The following AQP9 variants were observed in gnomAD, a reference collection of about 807,000 sequenced individuals.
The protein encoded by AQP9 is aquaporin-9.
AQP9 carries 19 observed loss-of-function variants against 23.8 expected under a neutral mutation model. The ratio of observed to expected loss-of-function variants is 0.80; its 90% CI spans 0.56 to 1.17. The LOEUF is 1.17. Ranked by LOEUF, AQP9 falls within the 50% of genes most tolerant of loss-of-function variation. The pLI is 0.00. For synonymous variants in AQP9, 153 were observed against 131.5 expected (o/e 1.16, Z -1.12); for missense variants, 413 against 362.0 (o/e 1.14, Z -1.14).
intron 1 of AQP9, among the ~76,000 whole-genome samples, chr15:58,142,598 C>G (rs1370871586): frequency 6.6e-6 from 1 of 152,192 alleles, no homozygotes; most frequent in East Asian, 1.9e-4. Context: ...CTGATAAACA[C>G]ATTGACCAAG....
chr15:58,149,046 T>C (rs1327266099), intron 1 of AQP9, among the ~76,000 whole-genome samples: 1 of 152,220 alleles, frequency 6.6e-6, no homozygotes, highest in East Asian at 1.9e-4. Flanking sequence ...CTTGGTTCTT[T>C]GTGACTGTTT....
chr15:58,160,214 G>A (rs1426838079), intron 1 of AQP9, among the ~76,000 whole-genome samples: 2 of 151,082 alleles, frequency 1.3e-5, no homozygotes, highest in East Asian at 3.9e-4. Context: ...ATCTCATTGT[G>A]GTTTTGATTC....
chr15:58,179,456 A>G, intron 5 of AQP9, 111 bp downstream of exon 5: 1 of 886,194 alleles, frequency 1.1e-6, no homozygotes, highest in Non-Finnish European at 1.7e-6. Context: ...GCCAACGTTA[A>G]CTGCACACTC....
intron 3 of AQP9, among the ~76,000 whole-genome samples, chr15:58,173,954 G>A (rs1261305147): frequency 2.0e-5 from 3 of 152,088 alleles, no homozygotes; most frequent in African/African-American, 7.2e-5. Context: ...GAAGACCTTA[G>A]GAAGTAGAAT....
chr15:58,154,390 A>G (rs1447712324), intron 1 of AQP9: 1 of 152,054 alleles, frequency 6.6e-6, no homozygotes, highest in Non-Finnish European at 1.5e-5. Context: ...TCTAATCTTA[A>G]TTACCTAATC....
intron 1 of AQP9, among the ~76,000 whole-genome samples, chr15:58,154,631 C>G (rs2140599368): frequency 6.6e-6 from 1 of 152,162 alleles, no homozygotes; most frequent in Middle Eastern, 3.4e-3. Flanking sequence ...TGTTAATAAT[C>G]CTAATAATAA....
rs1412125648 is a variant in AQP9 at position 58,164,781 on chromosome 15, T to G, written c.112-1892T>G. On this transcript the variant is annotated intron_variant, in intron 1 of 5. Coordinates refer to ENST00000219919, the MANE Select transcript of AQP9 (RefSeq NM_020980.5). ...CTCTGCTGTCAGAGAAATCATTCTA[T>G]GTGTATTAAATATCTCTTGTTTGTA... Among the ~76,000 whole-genome samples the G allele has an allele frequency of 8.5e-5, 13 of 152,162 alleles. 1 individual carries two copies. Among genetic ancestry groups the G allele is most frequent in the Admixed American group, 8.5e-4 (13 of 15,274 alleles).
intron 4 of AQP9, 32 bp from the exon 5 acceptor site, chr15:58,179,096 C>CT (rs1566991076): frequency 6.6e-7 from 1 of 1,513,278 alleles, no homozygotes; most frequent in Non-Finnish European, 9.2e-7. Context: ...AGAATGCAGG[C>CT]TAAAGCCCTG....
chr15:58,169,871 G>T (rs1387706700), intron 2 of AQP9, among the ~76,000 whole-genome samples: 2 of 152,054 alleles, frequency 1.3e-5, no homozygotes, highest in Admixed American at 1.3e-4. Context: ...TATTGAAAAA[G>T]CAAATAGACT....
intron 5 of AQP9, among the ~76,000 whole-genome samples, chr15:58,179,737 C>T (rs761995622): frequency 6.6e-6 from 1 of 152,140 alleles, no homozygotes; most frequent in Non-Finnish European, 1.5e-5. Context: ...GGCTCTTCCT[C>T]GTGAACCACG....
At chr15:58,161,580 G>A (rs1447003052) in intron 1 of AQP9, among the ~76,000 whole-genome samples, 1 of 152,104 alleles carries the variant, frequency 6.6e-6, no homozygotes, top group Non-Finnish European at 1.5e-5. Context: ...CAATGAAACA[G>A]CAAGTATTTC....
At chr15:58,180,241 G>C (rs1898851946) in intron 5 of AQP9, among the ~76,000 whole-genome samples, 1 of 152,226 alleles carries the variant, frequency 6.6e-6, no homozygotes, top group African/African-American at 2.4e-5. Flanking sequence ...CTACCATGGA[G>C]AAAAGTAGGA....
chr15:58,175,018 G>C lies in AQP9; in HGVS notation c.477G>C (p.Ala159=). Residue 159 remains alanine (A), a synonymous_variant, in exon 4 of 6, where the codon GCG becomes GCC. Transcript: ENST00000219919. The part of the protein sequence containing the change: ...ATYPAPYLSL[A]NAFADQVVAT... Reference sequence around the variant, plus strand: ...ACCCAGCTCCGTATCTATCTCTGGCGAACGCATTTGCAGATCAAGTAAGTG... The same window carrying C: ...ACCCAGCTCCGTATCTATCTCTGGCCAACGCATTTGCAGATCAAGTAAGTG... 1.9e-6 allele frequency: 3 copies of C among 1,613,642 alleles called. No individual in the cohort carries two copies. The highest frequency in any genetic ancestry group is 2.5e-6 in the Non-Finnish European group (3 of 1,179,504).
chr15:58,166,426 T>C (rs1898504379), intron 1 of AQP9, among the ~76,000 whole-genome samples: 1 of 152,230 alleles, frequency 6.6e-6, no homozygotes, highest in Non-Finnish European at 1.5e-5. Flanking sequence ...ATGTCCTGAT[T>C]TATAAATGTA....
At position 58,175,241 on chromosome 15, in the gene AQP9, T is replaced by C. The variant is rs2280196; in HGVS notation, c.495+205T>C. Among the ~76,000 whole-genome samples, 30 of 152,358 alleles carry C rather than the reference T, an allele frequency of 2.0e-4. No homozygotes were observed. In the East Asian group the frequency reaches 5.8e-3, roughly 29 times the overall value. On this transcript the variant is annotated intron_variant, in intron 4 of 5. Coordinates refer to ENST00000219919, the MANE Select transcript of AQP9 (RefSeq NM_020980.5). The stretch of plus-strand genomic sequence containing the variant: ...CCAGAAAAGTTTTCTCCTTCCTCTT[T>C]AATACGTACACTTGTTTAACATTAG...
chr15:58,174,586 A>AG (rs1428164895), intron 3 of AQP9, among the ~76,000 whole-genome samples: 1 of 152,230 alleles, frequency 6.6e-6, no homozygotes, highest in East Asian at 1.9e-4. Context: ...TCCTAGAGCA[A>AG]GACCAAGCCC....
At chr15:58,173,621 T>C (rs1449353599) in intron 3 of AQP9, among the ~76,000 whole-genome samples, 2 of 152,278 alleles carry the variant, frequency 1.3e-5, no homozygotes, top group African/African-American at 4.8e-5. Context: ...ACAGCAGAGA[T>C]GTGGGCTGGG....
At chr15:58,142,162 G>C (rs1897962540) in intron 1 of AQP9, among the ~76,000 whole-genome samples, 1 of 152,168 alleles carries the variant, frequency 6.6e-6, no homozygotes, top group South Asian at 2.1e-4. Context: ...CTCTTCCCTT[G>C]AGCAGCACAG....
intron 5 of AQP9, among the ~76,000 whole-genome samples, chr15:58,181,544 G>T (rs761516382): frequency 2.6e-5 from 4 of 152,150 alleles, no homozygotes. Flanking sequence ...AGAGAGAACC[G>T]TTATTCAAAG....
Sources: gnomAD v4.1 joint callset for allele counts (sites outside exome capture counted in the v4.1 genomes callset) on GRCh38, gnomAD v4.1.1 for gene constraint, MANE v1.5 for transcripts, NCBI Gene and HGNC (gene_info 2026-07-23, HGNC 2026-07-21) for gene names.